The following MAMDC2 variants were observed in gnomAD, a reference collection of about 807,000 sequenced individuals.
MAMDC2 encodes MAM domain containing 2, also known as MAM domain-containing protein 2.
MAMDC2 carries 57 observed loss-of-function variants against 89.8 expected under a neutral mutation model. That is an observed-to-expected ratio of 0.63 (90% CI 0.51 to 0.79). MAMDC2 has a LOEUF of 0.79. MAMDC2 is among the 30% of genes least tolerant of loss of function. The pLI is 0.00. For synonymous variants in MAMDC2, 313 were observed against 293.4 expected (o/e 1.07, Z -0.68); for missense variants, 800 against 820.6 (o/e 0.97, Z 0.31).
intron 2 of MAMDC2, among the ~76,000 whole-genome samples, chr9:70,064,429 AC>A: frequency 6.6e-6 from 1 of 152,110 alleles, no homozygotes; most frequent in African/African-American, 2.4e-5. Context: ...CCATTCTTTC[AC>A]CGGATATATG....
At chr9:70,068,505 G>T (rs1397369307) in intron 2 of MAMDC2, among the ~76,000 whole-genome samples, 1 of 151,870 alleles carries the variant, frequency 6.6e-6, no homozygotes, top group East Asian at 1.9e-4. Flanking sequence ...ATCACTTGAG[G>T]TAGGAGTTTG....
Position 70,044,646 on chromosome 9 carries a change from T to TG in MAMDC2, c.98dup (p.Cys33TrpfsTer4), listed in dbSNP as rs1826700970. On this transcript the variant is annotated frameshift_variant, in exon 2 of 14. Coordinates refer to ENST00000377182, the MANE Select transcript of MAMDC2 (RefSeq NM_153267.5). LOFTEE classifies it high-confidence loss of function. ...GTCCTGTGCCTTTGAAGAGAGCACT[T>TG]GCGGCTTTGACTCCGTGTTGGCCTC... The TG allele has an allele frequency of 6.4e-7, 1 of 1,551,622 alleles. No individual in the cohort carries two copies. Among genetic ancestry groups the TG allele is most frequent in the Non-Finnish European group, 8.7e-7 (1 of 1,146,986 alleles).
At chr9:70,209,283 TATTA>T (rs543530213) in intron 11 of MAMDC2, among the ~76,000 whole-genome samples, 2 of 152,232 alleles carry the variant, frequency 1.3e-5, no homozygotes, top group Non-Finnish European at 2.9e-5. Context: ...GTTGGTAGGC[TATTA>T]ATTATTGCCT....
intron 3 of MAMDC2, among the ~76,000 whole-genome samples, chr9:70,108,807 CCTT>C (rs1475884973): frequency 6.6e-6 from 1 of 152,128 alleles, no homozygotes; most frequent in Non-Finnish European, 1.5e-5. Flanking sequence ...TTTATTTCAT[CCTT>C]CTAAATTGTG....
At chr9:70,048,165 A>T (rs977660378) in intron 2 of MAMDC2, among the ~76,000 whole-genome samples, 7 of 152,140 alleles carry the variant, frequency 4.6e-5, no homozygotes, top group Admixed American at 3.9e-4. Flanking sequence ...AGAATATTTT[A>T]ATTTTCCCTA....
intron 11 of MAMDC2, among the ~76,000 whole-genome samples, chr9:70,184,089 C>T (rs1204388954): frequency 6.6e-6 from 1 of 152,174 alleles, no homozygotes; most frequent in Non-Finnish European, 1.5e-5. Context: ...GTGACGAAAT[C>T]CTTCAGCATT....
At chr9:70,191,600 T>C (rs2032882129) in intron 11 of MAMDC2, among the ~76,000 whole-genome samples, 1 of 151,998 alleles carries the variant, frequency 6.6e-6, no homozygotes, top group South Asian at 2.1e-4. Context: ...TAGAGAGAGT[T>C]CAACCTGTTC....
intron 2 of MAMDC2, among the ~76,000 whole-genome samples, chr9:70,081,183 G>A (rs1827643961): frequency 6.6e-6 from 1 of 152,130 alleles, no homozygotes; most frequent in East Asian, 1.9e-4. Context: ...GGGCAGGCCA[G>A]GAGTAAGATT....
In MAMDC2 at chr9:70,179,793, A is replaced by AC. The variant is rs1414581980; in HGVS notation, c.1651+9162_1651+9163insC. ...TAGACCTCTTTTTCTAGCAAAAAAAAAATACACTAGAGATCACTGTGCACT... is the reference window on the plus strand; with the variant it reads ...TAGACCTCTTTTTCTAGCAAAAAAAACAATACACTAGAGATCACTGTGCACT... On this transcript the variant is annotated intron_variant, in intron 11 of 13. Transcript: ENST00000377182. 8.0e-5 allele frequency among the ~76,000 whole-genome samples: 7 copies of AC among 87,032 alleles called. No homozygotes were observed. The East Asian group carries it at 2.8e-3, about 35-fold the overall frequency. The allele number at this position is 87,032 out of a possible 152,430, so 57.1% of individuals were successfully genotyped here.
intron 6 of MAMDC2, among the ~76,000 whole-genome samples, chr9:70,127,587 G>A (rs1232897092): frequency 1.3e-5 from 2 of 151,900 alleles, no homozygotes; most frequent in Admixed American, 6.6e-5. Flanking sequence ...ATGTAGAGCT[G>A]CAGAGAACAG....
chr9:70,112,847 C>T, intron 4 of MAMDC2, 148 bp from the exon 5 acceptor site: 3 of 917,300 alleles, frequency 3.3e-6, no homozygotes, highest in South Asian at 1.6e-5. Flanking sequence ...TCTTCTTGGC[C>T]AAAATTGTGC....
At chr9:70,137,369 T>C (rs570728464) in intron 7 of MAMDC2, among the ~76,000 whole-genome samples, 1 of 152,324 alleles carries the variant, frequency 6.6e-6, no homozygotes, top group African/African-American at 2.4e-5. Flanking sequence ...ATCAAACACA[T>C]TCTTCAGCAT....
At chr9:70,174,679 T>C (rs1257144371) in intron 11 of MAMDC2, among the ~76,000 whole-genome samples, 1 of 151,384 alleles carries the variant, frequency 6.6e-6, no homozygotes, top group South Asian at 2.1e-4. Context: ...GAAATAATGG[T>C]AGGCCAGCTC....
intron 8 of MAMDC2, among the ~76,000 whole-genome samples, chr9:70,143,178 A>G (rs2118416031): frequency 6.6e-6 from 1 of 152,328 alleles, no homozygotes; most frequent in Non-Finnish European, 1.5e-5. Context: ...TGGGCCTTCC[A>G]TTCACTATGG....
intron 7 of MAMDC2, among the ~76,000 whole-genome samples, chr9:70,135,494 T>G (rs1196268291): frequency 2.6e-5 from 4 of 152,086 alleles, no homozygotes; most frequent in Non-Finnish European, 5.9e-5. Flanking sequence ...TCAGACCTCC[T>G]CAAGACCCCA....
At chr9:70,131,012 T>C (rs553248172) in intron 6 of MAMDC2, among the ~76,000 whole-genome samples, 1 of 152,238 alleles carries the variant, frequency 6.6e-6, no homozygotes, top group East Asian at 1.9e-4. Flanking sequence ...ATAAACTAGG[T>C]AATTTATAAA....
intron 2 of MAMDC2, among the ~76,000 whole-genome samples, chr9:70,097,962 A>G (rs1413130564): frequency 6.6e-6 from 1 of 152,180 alleles, no homozygotes; most frequent in East Asian, 1.9e-4. Context: ...CACTGAAAAG[A>G]CATATGCCTT....
chr9:70,050,097 G>T (rs1203943589), intron 2 of MAMDC2, among the ~76,000 whole-genome samples: 1 of 152,194 alleles, frequency 6.6e-6, no homozygotes, highest in East Asian at 1.9e-4. Context: ...ACATGTGGAA[G>T]AACTCAGATT....
chr9:70,180,847 CTTTAG>C (rs1256280378), intron 11 of MAMDC2, among the ~76,000 whole-genome samples: 8 of 152,188 alleles, frequency 5.3e-5, no homozygotes, highest in South Asian at 2.1e-4. Context: ...TGCAGAAGCT[CTTTAG>C]TTTAATCAGA....
Sources: allele counts gnomAD v4.1 joint callset (sites outside exome capture counted in the v4.1 genomes callset), GRCh38; gene constraint gnomAD v4.1.1; transcripts MANE v1.5; gene names NCBI Gene and HGNC (gene_info 2026-07-23, HGNC 2026-07-21).